The following SNX25 variants were observed in gnomAD, a reference collection of about 807,000 sequenced individuals.
SNX25 encodes sorting nexin-25.
SNX25 carries 62 observed loss-of-function variants against 113.7 expected under a neutral mutation model. That is an observed-to-expected ratio of 0.55 (90% CI 0.44 to 0.67). The LOEUF is 0.67. SNX25 is among the 30% of genes least tolerant of loss of function. The pLI, the probability that SNX25 is intolerant of heterozygous loss-of-function variation, is 0.00. For missense variants in SNX25, 1,014 were observed against 1,161.0 expected (o/e 0.87, Z 1.84); for synonymous variants, 421 against 436.2 (o/e 0.97, Z 0.43).
chr4:185,354,943 G>T (rs2095332687), intron 15 of SNX25, among the ~76,000 whole-genome samples: 1 of 152,238 alleles, frequency 6.6e-6, no homozygotes, highest in Non-Finnish European at 1.5e-5. Context: ...AAATAGTGCA[G>T]CGTCCATGTC....
At chr4:185,288,352 T>C (rs527560854) in intron 6 of SNX25, among the ~76,000 whole-genome samples, 33 of 152,330 alleles carry the variant, frequency 2.2e-4, no homozygotes, top group Non-Finnish European at 4.3e-4. Context: ...TCAGTATATG[T>C]TTCTGTTCTG....
chr4:185,323,495 G>A (rs2095135421), intron 8 of SNX25, 33 bp from the exon 9 acceptor site: 2 of 1,577,218 alleles, frequency 1.3e-6, no homozygotes, highest in Admixed American at 1.9e-5. Context: ...GAGATGATAT[G>A]TCTTACTTTT....
At chr4:185,347,113 C>T (rs1319189639) in intron 13 of SNX25, among the ~76,000 whole-genome samples, 1 of 152,234 alleles carries the variant, frequency 6.6e-6, no homozygotes, top group Non-Finnish European at 1.5e-5. Flanking sequence ...GATTCATTTT[C>T]GTTGCTGTGA....
intron 11 of SNX25, among the ~76,000 whole-genome samples, chr4:185,340,600 G>T (rs143356551): frequency 6.6e-6 from 1 of 152,174 alleles, no homozygotes; most frequent in Non-Finnish European, 1.5e-5. Flanking sequence ...GGACTCAGGG[G>T]AATGTAATGG....
chr4:185,370,811 G>A (rs113662082), downstream of SNX25: 620 of 1,614,022 alleles, frequency 3.8e-4, 1 homozygote, highest in Non-Finnish European at 4.9e-4. Flanking sequence ...CATAGTCAGC[G>A]ATCCTGAGAG....
chr4:185,256,774 C>T (rs1746502935), intron 2 of SNX25, among the ~76,000 whole-genome samples: 1 of 151,762 alleles, frequency 6.6e-6, no homozygotes, highest in African/African-American at 2.4e-5. Flanking sequence ...TAGGCGTCCA[C>T]CACCACACCC....
downstream of SNX25, among the ~76,000 whole-genome samples, chr4:185,372,682 A>G (rs2095419896): frequency 6.6e-6 from 1 of 152,174 alleles, no homozygotes; most frequent in Non-Finnish European, 1.5e-5. Flanking sequence ...CCTTTTTATA[A>G]AAGAGGTTTC....
chr4:185,209,932 G>A lies in SNX25; in HGVS notation c.106G>A (p.Glu36Lys), dbSNP rs1163691243. The A allele has an allele frequency of 3.1e-6, 3 of 983,530 alleles. No individual in the cohort carries two copies. The highest frequency in any genetic ancestry group is 3.5e-5 in the African/African-American group (2 of 56,952). The allele number at this position is 983,530 out of a possible 1,614,324, so 60.9% of individuals were successfully genotyped here. A position where few individuals can be genotyped will look rare whatever the true frequency, so the allele number is the denominator to read the frequency against. The change falls in exon 1 of 19, where the codon GAG becomes AAG. Residue 36 changes from glutamate (E) to lysine (K), a missense_variant. Transcript: ENST00000652585. This position sits in a 1 kb window ranked among gnomAD's most constrained non-coding sequence, Gnocchi z 5.2. ...VSGFRGERRP[E>K]SPGDAEAAAA... is the part of the protein sequence containing the mutation. ...GGGCTTCAGGGGCGAGCGGCGGCCG[G>A]AGTCCCCGGGGGACGCGGAGGCAGC...
chr4:185,305,317 C>T (rs1261482400), intron 6 of SNX25, among the ~76,000 whole-genome samples: 2 of 152,190 alleles, frequency 1.3e-5, no homozygotes, highest in East Asian at 3.9e-4. Context: ...CATTAAATCC[C>T]TCAGTGAGTC....
chr4:185,208,134 A>G (rs902780227), upstream of SNX25, among the ~76,000 whole-genome samples: 1 of 152,034 alleles, frequency 6.6e-6, no homozygotes, highest in East Asian at 2.0e-4. Flanking sequence ...TTTGAGACGA[A>G]GTCTCACTCT....
intron 5 of SNX25, among the ~76,000 whole-genome samples, chr4:185,283,077 C>T (rs190000040): frequency 6.8e-4 from 103 of 152,308 alleles, no homozygotes; most frequent in Middle Eastern, 3.4e-3. Context: ...TCTTCAGATG[C>T]CCACTATGTG....
rs2095376391 is a variant in SNX25 at position 185,363,649 on chromosome 4, A to G, written c.*184A>G. 4.1e-6 allele frequency: 2 copies of G among 482,278 alleles called. No homozygotes were observed. The highest frequency in any genetic ancestry group is 4.2e-5 in the South Asian group (1 of 23,636). 29.9% of individuals were successfully genotyped at this position (482,278 alleles called of 1,614,324 possible). A position where few individuals can be genotyped will look rare whatever the true frequency, so the allele number is the denominator to read the frequency against. ...ACTTATGCTGTGGTAGGCAACAGAAAAAAACTTCTATTGATTTTAATTTAA... is the reference window on the plus strand; with the variant it reads ...ACTTATGCTGTGGTAGGCAACAGAAGAAAACTTCTATTGATTTTAATTTAA... On this transcript the variant is annotated 3_prime_UTR_variant, in exon 19 of 19. Coordinates refer to ENST00000652585, the MANE Select transcript of SNX25 (RefSeq NM_001378034.2). This position sits in a 1 kb window ranked among gnomAD's most constrained non-coding sequence, Gnocchi z 4.2.
At chr4:185,374,376 A>G (rs2095426130), downstream of SNX25, 1 of 1,614,056 alleles carries the variant, frequency 6.2e-7, no homozygotes, top group East Asian at 2.2e-5. Context: ...AGCTCTTCCG[A>G]GGTTGTAAGC....
At chr4:185,362,788 C>A in intron 18 of SNX25, 77 bp downstream of exon 18, 2 of 1,109,786 alleles carry the variant, frequency 1.8e-6, no homozygotes, top group South Asian at 1.3e-5. Context: ...AAACATGTGC[C>A]CCAGTGGCTG....
chr4:185,225,663 G>A (rs1474445025), intron 1 of SNX25, among the ~76,000 whole-genome samples: 1 of 152,144 alleles, frequency 6.6e-6, no homozygotes, highest in Non-Finnish European at 1.5e-5. Flanking sequence ...TTAGTAATGG[G>A]TAGAGCTAAA....
At chr4:185,285,326 C>G (rs1751192199) in intron 5 of SNX25, among the ~76,000 whole-genome samples, 1 of 152,226 alleles carries the variant, frequency 6.6e-6, no homozygotes, top group African/African-American at 2.4e-5. Context: ...TGGTGGTGTT[C>G]ATTTCTGTGT....
chr4:185,255,392 C>T (rs1396551006), intron 2 of SNX25, among the ~76,000 whole-genome samples: 1 of 152,114 alleles, frequency 6.6e-6, no homozygotes, highest in African/African-American at 2.4e-5. Flanking sequence ...CCTCAGCCTC[C>T]CAAAGTGCTG....
chr4:185,247,223 C>T (rs1023309022), intron 1 of SNX25, 71 bp from the exon 2 acceptor site: 10 of 1,008,210 alleles, frequency 9.9e-6, no homozygotes, highest in South Asian at 3.1e-5. Context: ...CATTTCATAC[C>T]TTTGATTTTT....
chr4:185,254,066 T>A (rs1245966371), intron 2 of SNX25, among the ~76,000 whole-genome samples: 1 of 152,174 alleles, frequency 6.6e-6, no homozygotes, highest in East Asian at 1.9e-4. Flanking sequence ...TCCAGATGTC[T>A]GGCTGCCTGG....
Sources: gnomAD v4.1 joint callset for allele counts (sites outside exome capture counted in the v4.1 genomes callset) on GRCh38, gnomAD v4.1.1 for gene constraint, Gnocchi (gnomAD v3.1) non-coding constraint, MANE v1.5 for transcripts, NCBI Gene and HGNC (gene_info 2026-07-23, HGNC 2026-07-21) for gene names.